The following ROBO2 variants were observed in gnomAD, a reference collection of about 807,000 sequenced individuals.
The protein encoded by ROBO2 is roundabout homolog 2.
A neutral mutation model predicts 160.8 loss-of-function variants in ROBO2; 53 were observed. The observed-to-expected ratio is 0.33, with a 90% CI of 0.26 to 0.41. The LOEUF (loss-of-function observed/expected upper bound fraction) is 0.41, where lower values mean the gene tolerates loss of function less well. Ranked by LOEUF, ROBO2 falls within the 10% of genes least tolerant of loss-of-function variation. The probability of loss-of-function intolerance (pLI) is 1.00; values close to 1 mark genes in which losing one functional copy is unlikely to be tolerated. For missense variants in ROBO2, 1,577 were observed against 1,722.4 expected, an observed-to-expected ratio of 0.92 and a Z score of 1.49; for synonymous variants, 664 against 611.7, an observed-to-expected ratio of 1.09 and a Z score of -1.26.
At chr3:76,757,915 G>T (rs921158100) in intron 2 of ROBO2, among the ~76,000 whole-genome samples, 1 of 151,622 alleles carries the variant, frequency 6.6e-6, no homozygotes, top group African/African-American at 2.4e-5. Flanking sequence ...TAAAAGGCAC[G>T]ATTTGTGAAA....
chr3:76,339,235 C>T (rs2074070505), intron 2 of ROBO2, among the ~76,000 whole-genome samples: 1 of 152,014 alleles, frequency 6.6e-6, no homozygotes, highest in Non-Finnish European at 1.5e-5. Context: ...GAAGAGTAAA[C>T]ACTGATGCAC....
chr3:77,181,725 GT>G (rs1349341932), intron 2 of ROBO2, among the ~76,000 whole-genome samples: 4 of 151,920 alleles, frequency 2.6e-5, no homozygotes, highest in Admixed American at 6.6e-5. Flanking sequence ...TGCTTTTAGT[GT>G]TTTTCAGAAT....
intron 2 of ROBO2, among the ~76,000 whole-genome samples, chr3:76,520,367 C>T (rs2081544637): frequency 2.0e-5 from 3 of 152,106 alleles, no homozygotes; most frequent in Non-Finnish European, 2.9e-5. Context: ...AGGAGAATTG[C>T]TTGAACTTGG....
chr3:76,812,909 A>ATTTTTTTTTTTTTTTTTTTTTTTTTT (rs71104626), intron 2 of ROBO2, among the ~76,000 whole-genome samples: 1 of 104,656 alleles, frequency 9.6e-6, no homozygotes, highest in African/African-American at 3.6e-5. Context: ...AGAAGTATAA[A>ATTTTTTTTTTTTTTTTTTTTTTTTTT]TTTTTTTTTT....
chr3:76,798,662 TG>T (rs1347166084), intron 2 of ROBO2, among the ~76,000 whole-genome samples: 2 of 152,022 alleles, frequency 1.3e-5, no homozygotes, highest in Non-Finnish European at 2.9e-5. Context: ...GATGCCAAGG[TG>T]GGTGGATCAC....
chr3:77,358,785 G>T (rs1462026413), intron 2 of ROBO2, among the ~76,000 whole-genome samples: 12 of 152,036 alleles, frequency 7.9e-5, no homozygotes, highest in African/African-American at 2.4e-4. Flanking sequence ...AGAAACCAGT[G>T]GAAGAAAACT....
At chr3:77,399,093 GA>G (rs1581643315) in intron 2 of ROBO2, among the ~76,000 whole-genome samples, 1 of 152,004 alleles carries the variant, frequency 6.6e-6, no homozygotes, top group Non-Finnish European at 1.5e-5. Flanking sequence ...TGCCAAGTTT[GA>G]TTTTTTAAAA....
chr3:76,563,691 C>T (rs538073778), intron 2 of ROBO2, among the ~76,000 whole-genome samples: 1 of 152,278 alleles, frequency 6.6e-6, no homozygotes, highest in South Asian at 2.1e-4. Context: ...TGTAGATTAA[C>T]TTAAACATTT....
chr3:76,953,148 G>T (rs189414007), intron 2 of ROBO2, among the ~76,000 whole-genome samples: 1 of 152,258 alleles, frequency 6.6e-6, no homozygotes, highest in Non-Finnish European at 1.5e-5. Context: ...CATCTTACTA[G>T]CTTGAGAAGG....
chr3:76,337,934 C>T (rs1199322526), intron 2 of ROBO2, among the ~76,000 whole-genome samples: 2 of 151,982 alleles, frequency 1.3e-5, no homozygotes, highest in Admixed American at 6.6e-5. Context: ...TTGAAACCCC[C>T]GTGGTAAAAC....
chr3:76,226,267 A>T (rs558987119), intron 2 of ROBO2, among the ~76,000 whole-genome samples: 24 of 152,318 alleles, frequency 1.6e-4, no homozygotes, highest in African/African-American at 5.5e-4. Flanking sequence ...TTTAAAGATG[A>T]TGGAGATTCT....
At chr3:75,996,667 C>T (rs1399392036) in intron 2 of ROBO2, among the ~76,000 whole-genome samples, 1 of 152,148 alleles carries the variant, frequency 6.6e-6, no homozygotes, top group African/African-American at 2.4e-5. Context: ...ATAGTATACA[C>T]TGTACAAATA....
chr3:76,651,226 C>A (rs1183948636), intron 2 of ROBO2, among the ~76,000 whole-genome samples: 1 of 152,134 alleles, frequency 6.6e-6, no homozygotes, highest in Non-Finnish European at 1.5e-5. Context: ...AGGGAGAATT[C>A]TTCCTCATCG....
intron 2 of ROBO2, among the ~76,000 whole-genome samples, chr3:76,997,553 A>T (rs527632768): frequency 6.6e-6 from 1 of 152,300 alleles, no homozygotes; most frequent in South Asian, 2.1e-4. Flanking sequence ...GTTTTCAAAG[A>T]TTAGAGAAGA....
intron 2 of ROBO2, among the ~76,000 whole-genome samples, chr3:76,023,959 C>T (rs189846863): frequency 3.3e-5 from 5 of 151,486 alleles, no homozygotes; most frequent in Admixed American, 6.6e-5. Flanking sequence ...CCATAACCCA[C>T]GATCTTAATC....
chr3:76,956,037 T>A (rs1437591998), intron 2 of ROBO2, among the ~76,000 whole-genome samples: 1 of 151,948 alleles, frequency 6.6e-6, no homozygotes, highest in Non-Finnish European at 1.5e-5. Flanking sequence ...ACAACAACAA[T>A]AAAAAAGCTC....
intron 2 of ROBO2, among the ~76,000 whole-genome samples, chr3:76,173,556 C>T (rs2073121185): frequency 6.6e-6 from 1 of 151,798 alleles, no homozygotes; most frequent in African/African-American, 2.4e-5. Context: ...TATTCCGCTT[C>T]CTGTGTCCAT....
At chr3:76,955,851 C>A (rs1488300938) in intron 2 of ROBO2, among the ~76,000 whole-genome samples, 1 of 150,326 alleles carries the variant, frequency 6.7e-6, no homozygotes, top group Non-Finnish European at 1.5e-5. Flanking sequence ...TCCCTTGAAC[C>A]CGGGAGGCGG....
chr3:77,282,177 T>C (rs1030197791), intron 2 of ROBO2, among the ~76,000 whole-genome samples: 7 of 152,196 alleles, frequency 4.6e-5, no homozygotes, highest in Admixed American at 1.3e-4. Flanking sequence ...TTGATGCAGT[T>C]TGCAGATATG....
Sources: allele counts gnomAD v4.1 joint callset (sites outside exome capture counted in the v4.1 genomes callset), GRCh38; gene constraint gnomAD v4.1.1; transcripts MANE v1.5; gene names NCBI Gene and HGNC (gene_info 2026-07-23, HGNC 2026-07-21).